SHROOM3: variants seen among roughly 807,000 people sequenced by gnomAD.
The protein encoded by SHROOM3 is shroom family member 3, also known as protein Shroom3.
In SHROOM3, 47 loss-of-function variants were observed where a neutral mutation model predicts 138.6. That is an observed-to-expected ratio of 0.34 (90% CI 0.27 to 0.43). SHROOM3 has a LOEUF of 0.43. SHROOM3 is among the 20% of genes least tolerant of loss of function. The pLI is 1.00. For missense variants in SHROOM3, 2,491 were observed against 2,596.5 expected, an observed-to-expected ratio of 0.96 and a Z score of 0.88; for synonymous variants, 1,062 against 1,063.3, an observed-to-expected ratio of 1.00 and a Z score of 0.02.
At chr4:76,724,560 A>G (rs1720644944) in intron 3 of SHROOM3, among the ~76,000 whole-genome samples, 1 of 152,212 alleles carries the variant, frequency 6.6e-6, no homozygotes, top group South Asian at 2.1e-4. Flanking sequence ...AAAGTTACAA[A>G]ATGAAATACA....
chr4:76,706,083 G>C (rs1020324676), intron 2 of SHROOM3, among the ~76,000 whole-genome samples: 5 of 152,140 alleles, frequency 3.3e-5, no homozygotes, highest in African/African-American at 9.7e-5. Flanking sequence ...TTTCAACAAA[G>C]TATGCTAGAG....
chr4:76,553,434 C>A (rs997007731), intron 1 of SHROOM3, among the ~76,000 whole-genome samples: 5 of 152,146 alleles, frequency 3.3e-5, no homozygotes, highest in Admixed American at 6.6e-5. Context: ...CACCACCACA[C>A]TCAGCTAATT....
intron 2 of SHROOM3, among the ~76,000 whole-genome samples, chr4:76,616,623 T>A (rs548200247): frequency 6.6e-6 from 1 of 152,104 alleles, no homozygotes; most frequent in East Asian, 1.9e-4. Context: ...GTACCTAGAG[T>A]AGTCAAACTC....
At chr4:76,743,615 A>ATCTATT (rs1721333554) in intron 5 of SHROOM3, among the ~76,000 whole-genome samples, 1 of 152,238 alleles carries the variant, frequency 6.6e-6, no homozygotes, top group African/African-American at 2.4e-5. Flanking sequence ...TCTTCATTGC[A>ATCTATT]GAACAATAGA....
At chr4:76,600,993 C>A (rs560078886) in intron 2 of SHROOM3, among the ~76,000 whole-genome samples, 7 of 152,298 alleles carry the variant, frequency 4.6e-5, no homozygotes, top group South Asian at 2.1e-4. Flanking sequence ...ACTCTAAAAT[C>A]TATTAGGTTG....
chr4:76,739,526 C>G lies in SHROOM3; in HGVS notation c.1353C>G (p.Asn451Lys). The G allele has an allele frequency of 1.2e-6, 2 of 1,614,174 alleles. No homozygotes were observed. The highest frequency in any genetic ancestry group is 1.7e-6 in the Non-Finnish European group (2 of 1,180,000). ...ENSPPVKPKH[N>K]YTQKAQPGQP... ...GCCCCCCAGTGAAGCCCAAGCATAA[C>G]TATACCCAGAAGGCCCAACCTGGCC... The change falls in exon 5 of 11, where the codon AAC (asparagine) becomes AAG (lysine). Residue 451 changes from asparagine to lysine, a missense_variant. Transcript: ENST00000296043.
At chr4:76,500,050 C>T (rs1732057957) in intron 1 of SHROOM3, among the ~76,000 whole-genome samples, 1 of 152,144 alleles carries the variant, frequency 6.6e-6, no homozygotes, top group African/African-American at 2.4e-5. Flanking sequence ...TGCCTAAAGG[C>T]CTCACAGCTG....
At chr4:76,579,361 G>T (rs1046547781) in intron 2 of SHROOM3, among the ~76,000 whole-genome samples, 10 of 151,748 alleles carry the variant, frequency 6.6e-5, no homozygotes, top group African/African-American at 2.4e-4. Flanking sequence ...CCAGCTACTC[G>T]GGAGGCTGAG....
intron 2 of SHROOM3, chr4:76,638,915 C>A (rs1003587923): frequency 1.3e-5 from 2 of 152,148 alleles, no homozygotes; most frequent in African/African-American, 4.8e-5. Context: ...GACCCTAAAA[C>A]TTTTGCTAAC....
intron 9 of SHROOM3, among the ~76,000 whole-genome samples, chr4:76,761,995 T>G (rs929631021): frequency 6.6e-6 from 1 of 152,182 alleles, no homozygotes; most frequent in Non-Finnish European, 1.5e-5. Flanking sequence ...GTGGAAAGGT[T>G]ATAGGATTCG....
In SHROOM3 at chr4:76,436,184, T is replaced by C. The variant is rs1178880025; in HGVS notation, c.132T>C (p.Gly44=). 1.2e-6 allele frequency: 2 copies of C among 1,614,076 alleles called. No homozygotes were observed. The highest frequency in any genetic ancestry group is 1.6e-4 in the Middle Eastern group (1 of 6,062). ...CTCCCTGGGGTTTTACTCTAAAGGG[T>C]GGCCTGGAGCACGGAGAACCATTAA... ...GGAPWGFTLK[G]GLEHGEPLII... is the part of the protein sequence containing the mutation. Residue 44 remains glycine (G), a synonymous_variant, in exon 1 of 11, where the codon GGT becomes GGC. Transcript: ENST00000296043.
chr4:76,688,438 G>A (rs1238511590), intron 2 of SHROOM3: 28 of 985,148 alleles, frequency 2.8e-5, no homozygotes, highest in Non-Finnish European at 3.1e-5. Flanking sequence ...TCTTCTCTGT[G>A]TCTATATGCA....
intron 2 of SHROOM3, among the ~76,000 whole-genome samples, chr4:76,671,144 G>A (rs189542299): frequency 2.0e-5 from 3 of 152,166 alleles, no homozygotes; most frequent in Admixed American, 2.0e-4. Flanking sequence ...GATGCTTGAG[G>A]TATAGTAAAC....
chr4:76,664,924 G>T lies in SHROOM3; in HGVS notation c.324-45232G>T, dbSNP rs1291450920. ...CTAGCACTTTGGTAGGCCGAGGTGG[G>T]CAGATCACTTGAGCCCAGGAGTTTG... On this transcript the variant is annotated intron_variant, in intron 2 of 10. Coordinates refer to ENST00000296043, the MANE Select transcript of SHROOM3 (RefSeq NM_020859.4). This position sits in a 1 kb window ranked among gnomAD's most constrained non-coding sequence, Gnocchi z 4.2. 6.6e-6 allele frequency among the ~76,000 whole-genome samples: 1 copy of T among 152,070 alleles called. No homozygotes were observed. The highest frequency in any genetic ancestry group is 1.5e-5 in the Non-Finnish European group (1 of 68,008).
At chr4:76,599,346 TG>T (rs1432093777) in intron 2 of SHROOM3, among the ~76,000 whole-genome samples, 3 of 152,164 alleles carry the variant, frequency 2.0e-5, no homozygotes, top group African/African-American at 7.2e-5. Context: ...GAAAGGAAAC[TG>T]TAGGATCTTT....
At chr4:76,492,991 T>C (rs10008637) in intron 1 of SHROOM3, among the ~76,000 whole-genome samples, 53,185 of 151,932 alleles carry the variant, frequency 0.35, 10,543 homozygotes, top group Non-Finnish European at 0.46. Context: ...GAGGCCAAGG[T>C]GGGTGAATCA....
chr4:76,677,692 C>T (rs1343813121), intron 2 of SHROOM3, among the ~76,000 whole-genome samples: 2 of 152,138 alleles, frequency 1.3e-5, no homozygotes, highest in Non-Finnish European at 2.9e-5. Flanking sequence ...TTGCCTTTGG[C>T]CAATACAAGC....
intron 2 of SHROOM3, among the ~76,000 whole-genome samples, chr4:76,601,914 A>C (rs1734514987): frequency 2.0e-5 from 3 of 152,248 alleles, no homozygotes; most frequent in Admixed American, 1.3e-4. Flanking sequence ...GATGCTTGAA[A>C]GATTGTGACT....
chr4:76,437,325 G>A (rs1730583139), intron 1 of SHROOM3, among the ~76,000 whole-genome samples: 1 of 152,158 alleles, frequency 6.6e-6, no homozygotes, highest in Non-Finnish European at 1.5e-5. Context: ...TCAAAACCGA[G>A]TTTATAGTGG....
Sources: allele counts gnomAD v4.1 joint callset (sites outside exome capture counted in the v4.1 genomes callset), GRCh38; gene constraint gnomAD v4.1.1; non-coding constraint Gnocchi (gnomAD v3.1); transcripts MANE v1.5; gene names NCBI Gene and HGNC (gene_info 2026-07-23, HGNC 2026-07-21).